GPC5: variants seen among roughly 807,000 people sequenced by gnomAD.
GPC5 encodes the protein glypican-5.
A neutral mutation model predicts 53.9 loss-of-function variants in GPC5; 47 were observed. The ratio of observed to expected loss-of-function variants is 0.87; its 90% confidence interval spans 0.69 to 1.11. The LOEUF is 1.11. Among genes scored for constraint, GPC5 ranks in the 50% most tolerant of loss-of-function variants. GPC5 has a pLI of 0.00. For missense variants in GPC5, 748 were observed against 713.1 expected (o/e 1.05, Z -0.56); for synonymous variants, 286 against 263.3 (o/e 1.09, Z -0.84).
intron 7 of GPC5, among the ~76,000 whole-genome samples, chr13:92,247,953 C>T (rs1054563768): frequency 2.0e-5 from 3 of 152,010 alleles, no homozygotes; most frequent in African/African-American, 7.2e-5. Flanking sequence ...TAAGACTACT[C>T]TTAACACATT....
intron 7 of GPC5, among the ~76,000 whole-genome samples, chr13:92,513,518 C>G (rs560688640): frequency 1.5e-5 from 2 of 136,290 alleles, no homozygotes; most frequent in East Asian, 4.7e-4. Flanking sequence ...CTTTCTCTCT[C>G]TCATTCTCTT....
intron 3 of GPC5, among the ~76,000 whole-genome samples, chr13:91,709,593 T>C (rs1019680072): frequency 5.3e-5 from 8 of 152,242 alleles, no homozygotes; most frequent in African/African-American, 1.9e-4. Context: ...TGGGAAGCTT[T>C]CCTCTGTAGA....
At chr13:92,762,158 T>A (rs1161148122) in intron 7 of GPC5, among the ~76,000 whole-genome samples, 2 of 152,096 alleles carry the variant, frequency 1.3e-5, no homozygotes, top group African/African-American at 2.4e-5. Context: ...TGATGCTCTA[T>A]CATATATATC....
At chr13:92,364,990 C>A (rs1400236890) in intron 7 of GPC5, among the ~76,000 whole-genome samples, 2 of 151,726 alleles carry the variant, frequency 1.3e-5, no homozygotes, top group Non-Finnish European at 2.9e-5. Context: ...TTTCCTCTGT[C>A]ATAGGGAGTA....
At chr13:92,429,799 T>A (rs184819157) in intron 7 of GPC5, among the ~76,000 whole-genome samples, 1 of 152,256 alleles carries the variant, frequency 6.6e-6, no homozygotes, top group East Asian at 1.9e-4. Flanking sequence ...AAATATTTTG[T>A]AATCATTAAG....
At chr13:91,901,724 T>C (rs1303751097) in intron 5 of GPC5, among the ~76,000 whole-genome samples, 1 of 152,072 alleles carries the variant, frequency 6.6e-6, no homozygotes, top group Non-Finnish European at 1.5e-5. Context: ...AGATACAACA[T>C]ATTTCCCAGA....
chr13:91,617,897 A>G (rs2033741723), intron 2 of GPC5, among the ~76,000 whole-genome samples: 1 of 152,152 alleles, frequency 6.6e-6, no homozygotes, highest in South Asian at 2.1e-4. Context: ...TAGACAATAT[A>G]TAACAAATGG....
intron 7 of GPC5, among the ~76,000 whole-genome samples, chr13:92,312,172 A>G (rs930226854): frequency 6.6e-6 from 1 of 152,160 alleles, no homozygotes. Flanking sequence ...TTAGGTTTAA[A>G]ATATTTCGAG....
rs1566446346 is a variant in GPC5 at position 92,125,923 on chromosome 13, GGTTTTTTTTTTTTTTTTT to G, written c.1402-18906_1402-18889del. Among the ~76,000 whole-genome samples, 10 of 41,536 alleles carry G rather than the reference GGTTTTTTTTTTTTTTTTT, an allele frequency of 2.4e-4. 1 individual carries two copies. The highest frequency in any genetic ancestry group is 3.0e-4 in the Non-Finnish European group (6 of 20,260). The allele number at this position is 41,536 out of a possible 152,430, so 27.2% of individuals were successfully genotyped here. A position where few individuals can be genotyped will look rare whatever the true frequency, so the allele number is the denominator to read the frequency against. On this transcript the variant is annotated intron_variant, in intron 6 of 7. Transcript: ENST00000377067. ...ATTAGAAAGGAAACATTTGTTTTTT[GGTTTTTTTTTTTTTTTTT>G]TTTTTTTTTTTTTTTTTTTTTTTTT...
At chr13:92,766,124 C>T (rs1875395416) in intron 7 of GPC5, among the ~76,000 whole-genome samples, 1 of 152,142 alleles carries the variant, frequency 6.6e-6, no homozygotes, top group Admixed American at 6.6e-5. Flanking sequence ...TTGCAATCCA[C>T]TATATAGAGA....
chr13:91,939,667 T>C (rs2039906595), intron 6 of GPC5, among the ~76,000 whole-genome samples: 1 of 152,164 alleles, frequency 6.6e-6, no homozygotes, highest in African/African-American at 2.4e-5. Context: ...GTTAAAGGAT[T>C]TATTGGTTTG....
chr13:92,091,996 G>A (rs1446541050), intron 6 of GPC5, among the ~76,000 whole-genome samples: 2 of 152,160 alleles, frequency 1.3e-5, no homozygotes, highest in South Asian at 2.1e-4. Flanking sequence ...TATATTTGAG[G>A]TATATATCTA....
intron 7 of GPC5, among the ~76,000 whole-genome samples, chr13:92,172,538 T>G (rs2042077940): frequency 6.6e-6 from 1 of 152,140 alleles, no homozygotes; most frequent in South Asian, 2.1e-4. Flanking sequence ...AATAAAGTGG[T>G]AAAAAAGAAG....
intron 2 of GPC5, among the ~76,000 whole-genome samples, chr13:91,527,224 TA>T (rs1886127030): frequency 6.6e-6 from 1 of 152,090 alleles, no homozygotes; most frequent in African/African-American, 2.4e-5. Context: ...GCCTGTAAAA[TA>T]AAAAACAAGT....
intron 2 of GPC5, among the ~76,000 whole-genome samples, chr13:91,564,237 T>C (rs995831414): frequency 2.0e-5 from 3 of 152,200 alleles, no homozygotes; most frequent in Admixed American, 2.0e-4. Context: ...AGATTTTCTC[T>C]TTAAGTGACA....
At chr13:92,843,094 C>A (rs1408023163) in intron 7 of GPC5, among the ~76,000 whole-genome samples, 1 of 152,146 alleles carries the variant, frequency 6.6e-6, no homozygotes, top group Admixed American at 6.5e-5. Context: ...TTTTCAATAA[C>A]TGAAGCAAAA....
intron 6 of GPC5, among the ~76,000 whole-genome samples, chr13:92,066,739 C>T (rs2041170673): frequency 6.6e-6 from 1 of 152,010 alleles, no homozygotes; most frequent in South Asian, 2.1e-4. Flanking sequence ...ATATTTTCTT[C>T]TATTTTACAT....
chr13:91,743,103 A>T (rs560984440), intron 4 of GPC5, among the ~76,000 whole-genome samples: 10 of 152,098 alleles, frequency 6.6e-5, no homozygotes, highest in Non-Finnish European at 1.3e-4. Flanking sequence ...TGAATAAATT[A>T]TCCTTATCTA....
intron 5 of GPC5, among the ~76,000 whole-genome samples, chr13:91,874,775 C>A (rs2039184215): frequency 6.6e-6 from 1 of 152,158 alleles, no homozygotes; most frequent in Admixed American, 6.5e-5. Context: ...TTTCATTTGA[C>A]CTTTATTTGC....
Sources: allele counts gnomAD v4.1 joint callset (sites outside exome capture counted in the v4.1 genomes callset), GRCh38; gene constraint gnomAD v4.1.1; transcripts MANE v1.5; gene names NCBI Gene and HGNC (gene_info 2026-07-23, HGNC 2026-07-21).